NIPAL3: variants seen among roughly 807,000 people sequenced by gnomAD.
The protein encoded by NIPAL3 is NIPA like domain containing 3.
NIPAL3 carries 41 observed loss-of-function variants against 47.2 expected under a neutral mutation model. That is an observed-to-expected ratio of 0.87 (90% CI 0.68 to 1.13). NIPAL3 has a LOEUF of 1.13. Among genes scored for constraint, NIPAL3 ranks in the 50% most tolerant of loss-of-function variants. NIPAL3 has a pLI of 0.00. For missense variants in NIPAL3, 449 were observed against 530.1 expected (o/e 0.85, Z 1.50); for synonymous variants, 194 against 209.6 (o/e 0.93, Z 0.64).
chr1:24,458,155 A>G (rs1407550811), intron 8 of NIPAL3, among the ~76,000 whole-genome samples: 1 of 152,188 alleles, frequency 6.6e-6, no homozygotes, highest in Non-Finnish European at 1.5e-5. Flanking sequence ...AGCTGCATGC[A>G]GTGGCTCACA....
chr1:24,440,355 G>T (rs1441835280), intron 3 of NIPAL3, 115 bp downstream of exon 3: 7 of 697,950 alleles, frequency 1.0e-5, no homozygotes, highest in African/African-American at 5.5e-5. Context: ...GCATCCCTGG[G>T]CTGCACCTGG....
At chr1:24,462,537 C>T (rs1005433400) in intron 10 of NIPAL3, among the ~76,000 whole-genome samples, 1 of 152,064 alleles carries the variant, frequency 6.6e-6, no homozygotes, top group African/African-American at 2.4e-5. Flanking sequence ...CAGGCCAAGG[C>T]GGGAGGATCA....
rs533791829 is a variant in NIPAL3, at chr1:24,438,822, C to T, written c.94-1350C>T. Among the ~76,000 whole-genome samples, 3 of 152,296 alleles carry T rather than the reference C, an allele frequency of 2.0e-5. No homozygotes were observed. In the East Asian group the frequency reaches 5.8e-4, roughly 29 times the overall value. On this transcript the variant is annotated intron_variant, in intron 2 of 11. Coordinates refer to ENST00000374399, the MANE Select transcript of NIPAL3 (RefSeq NM_020448.5). ...GGTTGCAGCATTGGCCAGCATAGAG[C>T]ATTCCTTGGTGTTCAGTGGTGGAAT... is the stretch of plus-strand genomic sequence containing the variant.
chr1:24,447,593 G>C (rs984534541), intron 5 of NIPAL3, among the ~76,000 whole-genome samples: 1 of 152,020 alleles, frequency 6.6e-6, no homozygotes, highest in Non-Finnish European at 1.5e-5. Context: ...GAAAAAAGTA[G>C]AGACTTTGGA....
At chr1:24,427,431 T>C (rs898895264) in intron 2 of NIPAL3, among the ~76,000 whole-genome samples, 1 of 152,254 alleles carries the variant, frequency 6.6e-6, no homozygotes, top group Non-Finnish European at 1.5e-5. Context: ...GGTGGAGTTA[T>C]ATTATGCTAT....
chr1:24,440,373 C>T, intron 3 of NIPAL3, 133 bp downstream of exon 3: 1 of 549,290 alleles, frequency 1.8e-6, no homozygotes. Context: ...TGGGACAATA[C>T]CTTGTGGGCC....
chr1:24,465,482 T>A (rs1646659786), intron 11 of NIPAL3: 1 of 152,052 alleles, frequency 6.6e-6, no homozygotes, highest in Non-Finnish European at 1.5e-5. Context: ...TAACCTAAGG[T>A]AGTCTTAGAT....
intron 7 of NIPAL3, 140 bp downstream of exon 7, chr1:24,453,644 G>T (rs1646049150): frequency 1.5e-6 from 1 of 685,710 alleles, no homozygotes; most frequent in African/African-American, 1.8e-5. Flanking sequence ...TCCATCAGTG[G>T]CTCTGGGGAG....
At position 24,463,974 on chromosome 1, in the gene NIPAL3, C is replaced by T. The variant is rs61179831; in HGVS notation, c.927-52C>T. ...CACCTGAGCCTGAAAGTGTGCCTGC[C>T]CGACCTTGCTCCTGGCCTTATTTCT... On this transcript the variant is annotated intron_variant, in intron 10 of 11. Transcript: ENST00000374399. 2.4e-3 allele frequency: 3,585 copies of T among 1,491,164 alleles called. 88 individuals carry two copies. In the African/African-American group the frequency reaches 0.045, roughly 19 times the overall value. The allele number at this position is 1,491,164 out of a possible 1,614,324, so 92.4% of individuals were successfully genotyped here. A position where few individuals can be genotyped will look rare whatever the true frequency, so the allele number is the denominator to read the frequency against.
At chr1:24,460,904 G>A (rs1040577691) in intron 10 of NIPAL3, among the ~76,000 whole-genome samples, 8 of 152,250 alleles carry the variant, frequency 5.3e-5, no homozygotes, top group South Asian at 2.1e-4. Flanking sequence ...GAGGAGGCCC[G>A]CCTACTACCA....
chr1:24,466,841 C>G (rs985693905), intron 11 of NIPAL3, among the ~76,000 whole-genome samples: 11 of 152,188 alleles, frequency 7.2e-5, no homozygotes, highest in African/African-American at 2.7e-4. Context: ...CTTCTGCCCT[C>G]CCCCAAAATC....
chr1:24,466,111 C>T (rs763136365), intron 11 of NIPAL3: 1 of 1,605,262 alleles, frequency 6.2e-7, no homozygotes, highest in South Asian at 1.1e-5. Context: ...ACCTGAAAGA[C>T]TTCTTAAAAA....
intron 2 of NIPAL3, among the ~76,000 whole-genome samples, chr1:24,431,727 C>T (rs112235612): frequency 4.6e-5 from 7 of 151,978 alleles, no homozygotes; most frequent in African/African-American, 7.3e-5. Flanking sequence ...GTCAGTTCCC[C>T]GATCCCATTT....
At chr1:24,434,619 CA>C (rs762862519) in intron 2 of NIPAL3, among the ~76,000 whole-genome samples, 1 of 152,094 alleles carries the variant, frequency 6.6e-6, no homozygotes, top group Non-Finnish European at 1.5e-5. Context: ...TTCCACTCAA[CA>C]AAAGCAAAAT....
In NIPAL3 at chr1:24,469,441, GGATTTGGAAAGC is replaced by G; in HGVS notation, c.*257_*268del. The G allele has an allele frequency of 2.4e-6, 1 of 423,582 alleles. No homozygotes were observed. The highest frequency in any genetic ancestry group is 4.2e-6 in the Non-Finnish European group (1 of 235,874). 26.2% of individuals were successfully genotyped at this position (423,582 alleles called of 1,614,324 possible). ...AGCCTCTGCCTGGATTAGCCCAGGGGGATTTGGAAAGCCTTTCTACCATCCTTGAGGATGGTA... is the reference window on the plus strand; with the variant it reads ...AGCCTCTGCCTGGATTAGCCCAGGGGCTTTCTACCATCCTTGAGGATGGTA... On this transcript the variant is annotated 3_prime_UTR_variant, in exon 12 of 12. Transcript: ENST00000374399.
At chr1:24,460,683 A>G in intron 10 of NIPAL3, 139 bp downstream of exon 10, 2 of 621,252 alleles carry the variant, frequency 3.2e-6, no homozygotes, top group South Asian at 2.6e-5. Context: ...CTTTGTCCCC[A>G]GAGGTGAGCG....
intron 2 of NIPAL3, among the ~76,000 whole-genome samples, chr1:24,431,189 C>CG (rs1409301274): frequency 6.6e-6 from 1 of 152,058 alleles, no homozygotes; most frequent in Non-Finnish European, 1.5e-5. Context: ...TTGGGATGGG[C>CG]GTTACAGCAT....
At chr1:24,450,911 A>G (rs1645905487) in intron 6 of NIPAL3, among the ~76,000 whole-genome samples, 1 of 152,242 alleles carries the variant, frequency 6.6e-6, no homozygotes, top group Non-Finnish European at 1.5e-5. Flanking sequence ...TCATTTCCCA[A>G]CAGGCAGCCA....
At chr1:24,438,664 CAT>C (rs1389357197) in intron 2 of NIPAL3, among the ~76,000 whole-genome samples, 2 of 152,238 alleles carry the variant, frequency 1.3e-5, no homozygotes, top group African/African-American at 4.8e-5. Context: ...ATGGACTGAA[CAT>C]ATGACAGTGA....
Sources: allele counts gnomAD v4.1 joint callset (sites outside exome capture counted in the v4.1 genomes callset), GRCh38; gene constraint gnomAD v4.1.1; transcripts MANE v1.5; gene names NCBI Gene and HGNC (gene_info 2026-07-23, HGNC 2026-07-21).